GPR158: variants seen among roughly 807,000 people sequenced by gnomAD.
The protein encoded by GPR158 is G protein-coupled receptor 158.
GPR158 carries 30 observed loss-of-function variants against 78.2 expected under a neutral mutation model. The ratio of observed to expected loss-of-function variants is 0.38; its 90% CI spans 0.29 to 0.52. The LOEUF is 0.52. Among genes scored for constraint, GPR158 ranks in the 20% least tolerant of loss-of-function variants. GPR158 has a pLI of 0.83. For missense variants in GPR158, 1,463 were observed against 1,523.5 expected (o/e 0.96, Z 0.66); for synonymous variants, 581 against 591.1 (o/e 0.98, Z 0.25).
At chr10:25,472,844 G>C (rs1835527766) in intron 5 of GPR158, among the ~76,000 whole-genome samples, 1 of 152,196 alleles carries the variant, frequency 6.6e-6, no homozygotes, top group Non-Finnish European at 1.5e-5. Flanking sequence ...TCAGCTTACG[G>C]AGATTTTGGG....
rs566322750 is a variant in GPR158 at position 25,384,898 on chromosome 10, A to C, written c.1009-11013A>C. ...CATGCCGATTGCAATACGACCTTTAATGTTTACATACACATCTTTGAACTA... is the reference window on the plus strand; with the variant it reads ...CATGCCGATTGCAATACGACCTTTACTGTTTACATACACATCTTTGAACTA... On this transcript the variant is annotated intron_variant, in intron 2 of 10. Transcript: ENST00000376351. Among the ~76,000 whole-genome samples the C allele has an allele frequency of 4.6e-5, 7 of 152,278 alleles. No individual in the cohort carries two copies. The East Asian group carries it at 1.3e-3, about 29-fold the overall frequency.
intron 4 of GPR158, among the ~76,000 whole-genome samples, chr10:25,415,916 T>C (rs1834652133): frequency 6.6e-6 from 1 of 152,042 alleles, no homozygotes; most frequent in Non-Finnish European, 1.5e-5. Flanking sequence ...GTTACAAAAT[T>C]AGATTATGGT....
At chr10:25,253,194 C>T (rs1195148656) in intron 2 of GPR158, among the ~76,000 whole-genome samples, 3 of 151,632 alleles carry the variant, frequency 2.0e-5, no homozygotes, top group South Asian at 4.2e-4. Flanking sequence ...CGCGCACCCA[C>T]TGGCCTGCGC....
chr10:25,347,970 T>C (rs987508480), intron 2 of GPR158, among the ~76,000 whole-genome samples: 2 of 151,900 alleles, frequency 1.3e-5, no homozygotes, highest in African/African-American at 4.8e-5. Context: ...CTGTGACCCC[T>C]AATAGCCTAA....
intron 2 of GPR158, among the ~76,000 whole-genome samples, chr10:25,362,945 C>G (rs1253845619): frequency 2.6e-5 from 4 of 151,754 alleles, no homozygotes; most frequent in African/African-American, 9.7e-5. Context: ...TATGGTATAT[C>G]TCTTTCTGTC....
chr10:25,276,498 G>A (rs998325805), intron 2 of GPR158, among the ~76,000 whole-genome samples: 5 of 152,154 alleles, frequency 3.3e-5, no homozygotes, highest in Admixed American at 1.3e-4. Context: ...AATTTTGAAT[G>A]TAGGCCACTT....
At chr10:25,497,020 G>A (rs998940165) in intron 5 of GPR158, among the ~76,000 whole-genome samples, 1 of 152,146 alleles carries the variant, frequency 6.6e-6, no homozygotes, top group Non-Finnish European at 1.5e-5. Flanking sequence ...CAGGTGACGG[G>A]CCAAGGAGGT....
intron 5 of GPR158, among the ~76,000 whole-genome samples, chr10:25,480,862 A>G (rs150975933): frequency 6.6e-6 from 1 of 152,284 alleles, no homozygotes; most frequent in East Asian, 1.9e-4. Context: ...CCTGGTGGAC[A>G]GCCTGCTGCC....
chr10:25,475,534 T>C (rs986845892), intron 5 of GPR158: 13 of 152,096 alleles, frequency 8.5e-5, no homozygotes, highest in African/African-American at 3.1e-4. Flanking sequence ...AATAACCTGG[T>C]TGTTGGACTG....
intron 1 of GPR158, among the ~76,000 whole-genome samples, chr10:25,186,153 A>G (rs552553682): frequency 1.5e-4 from 23 of 152,354 alleles, no homozygotes; most frequent in African/African-American, 4.3e-4. Context: ...AGGCAGAAAT[A>G]AAGATGTTCT....
At chr10:25,261,257 C>T (rs139286489) in intron 2 of GPR158, among the ~76,000 whole-genome samples, 128 of 152,228 alleles carry the variant, frequency 8.4e-4, no homozygotes, top group African/African-American at 2.6e-3. Flanking sequence ...CATGTCTATT[C>T]GAGTTCACCT....
chr10:25,265,033 G>C (rs1029384293), intron 2 of GPR158, among the ~76,000 whole-genome samples: 11 of 152,124 alleles, frequency 7.2e-5, no homozygotes, highest in African/African-American at 2.7e-4. Context: ...GAAATATGGA[G>C]ATTTTGATTT....
intron 2 of GPR158, among the ~76,000 whole-genome samples, chr10:25,253,632 A>G (rs1490353217): frequency 6.6e-6 from 1 of 152,164 alleles, no homozygotes; most frequent in Non-Finnish European, 1.5e-5. Context: ...GTAAGATGTA[A>G]GAACATTTTC....
intron 2 of GPR158, among the ~76,000 whole-genome samples, chr10:25,380,152 A>G (rs1442660868): frequency 6.6e-6 from 1 of 152,108 alleles, no homozygotes; most frequent in East Asian, 1.9e-4. Flanking sequence ...GGATTTGGGA[A>G]CATTGCAGTG....
At chr10:25,293,570 G>C (rs1233970812) in intron 2 of GPR158, among the ~76,000 whole-genome samples, 17 of 152,092 alleles carry the variant, frequency 1.1e-4, no homozygotes, top group Admixed American at 1.1e-3. Context: ...TTTTCTTCCA[G>C]GTTTTTGTAG....
At chr10:25,450,432 A>G (rs182833568) in intron 4 of GPR158, among the ~76,000 whole-genome samples, 6 of 144,634 alleles carry the variant, frequency 4.1e-5, no homozygotes, top group African/African-American at 1.5e-4. Context: ...AGATATTGGC[A>G]TTGTGAGTTT....
chr10:25,332,893 C>A (rs558903679), intron 2 of GPR158, among the ~76,000 whole-genome samples: 6 of 152,040 alleles, frequency 3.9e-5, no homozygotes, highest in African/African-American at 1.4e-4. Context: ...TCTGGGTTTC[C>A]CCCAGCATTG....
chr10:25,222,762 G>A (rs540131812), intron 2 of GPR158, among the ~76,000 whole-genome samples: 1 of 152,294 alleles, frequency 6.6e-6, no homozygotes, highest in East Asian at 1.9e-4. Flanking sequence ...CTGCATGGGT[G>A]TCATATTGTG....
rs929365089 is a variant in GPR158, at chr10:25,599,270, T to G, written c.3644T>G (p.Val1215Gly). Residue 1215 changes from valine (V) to glycine (G), a missense_variant, in exon 11 of 11, where the codon GTG becomes GGG. By Grantham distance (109) the Val-to-Gly change is moderately radical. Transcript: ENST00000376351. ...GAAGAGATCTGGGATAGTTTTAAAG[T>G]GTAGCATCTCCAGGAAGAAGAGGAA... The part of the protein sequence containing the change: ...RKEEIWDSFK[V>G] 4.6e-5 allele frequency: 73 copies of G among 1,601,432 alleles called. No homozygotes were observed. The highest frequency in any genetic ancestry group is 6.1e-5 in the Non-Finnish European group (72 of 1,173,492).
Sources: gnomAD v4.1 joint callset for allele counts (sites outside exome capture counted in the v4.1 genomes callset) on GRCh38, gnomAD v4.1.1 for gene constraint, MANE v1.5 for transcripts, NCBI Gene and HGNC (gene_info 2026-07-23, HGNC 2026-07-21) for gene names.